PARD3B: variants seen among roughly 807,000 people sequenced by gnomAD.
The protein encoded by PARD3B is par-3 family cell polarity regulator beta.
A neutral mutation model predicts 130.2 loss-of-function variants in PARD3B; 103 were observed. The ratio of observed to expected loss-of-function variants is 0.79; its 90% confidence interval spans 0.67 to 0.93. PARD3B has a LOEUF of 0.93. PARD3B is among the 40% of genes least tolerant of loss of function. PARD3B has a pLI of 0.00. For synonymous variants in PARD3B, 583 were observed against 553.2 expected (o/e 1.05, Z -0.76); for missense variants, 1,609 against 1,499.2 (o/e 1.07, Z -1.21).
At chr2:205,249,291 T>G (rs964509539) in intron 16 of PARD3B, among the ~76,000 whole-genome samples, 1 of 151,464 alleles carries the variant, frequency 6.6e-6, no homozygotes, top group African/African-American at 2.4e-5. Flanking sequence ...GTTAAACAAA[T>G]TAAATTGTAT....
chr2:205,483,504 T>A (rs2049320950), intron 20 of PARD3B, among the ~76,000 whole-genome samples: 1 of 152,222 alleles, frequency 6.6e-6, no homozygotes, highest in Non-Finnish European at 1.5e-5. Flanking sequence ...TGAATTAATG[T>A]TATTCCTGTA....
chr2:205,065,966 C>T (rs1700346167), intron 4 of PARD3B, among the ~76,000 whole-genome samples: 1 of 152,110 alleles, frequency 6.6e-6, no homozygotes, highest in Non-Finnish European at 1.5e-5. Context: ...TTATCAGCCT[C>T]ATTGAACAGG....
At position 205,568,551 on chromosome 2, in the gene PARD3B, G is replaced by A. The variant is rs1171352143; in HGVS notation, c.3260+15148G>A. Among the ~76,000 whole-genome samples the A allele has an allele frequency of 6.6e-6, 1 of 152,150 alleles. No individual in the cohort carries two copies. Among genetic ancestry groups the A allele is most frequent in the Admixed American group, 6.5e-5 (1 of 15,276 alleles). ...AAAGCCTCTGGAAAAATTAAACTTGGTACTGAGTTGCCTGACTCAAAAATG... is the reference window on the plus strand; with the variant it reads ...AAAGCCTCTGGAAAAATTAAACTTGATACTGAGTTGCCTGACTCAAAAATG... On this transcript the variant is annotated intron_variant, in intron 22 of 22. Transcript: ENST00000406610. This position sits in a 1 kb window ranked among gnomAD's most constrained non-coding sequence, Gnocchi z 5.3.
At chr2:205,398,334 G>A (rs1251426254) in intron 18 of PARD3B, among the ~76,000 whole-genome samples, 1 of 152,008 alleles carries the variant, frequency 6.6e-6, no homozygotes, top group Admixed American at 6.6e-5. Context: ...TTATATTTTT[G>A]TCTGTATTTT....
intron 1 of PARD3B, among the ~76,000 whole-genome samples, chr2:204,632,671 T>C (rs538776297): frequency 1.3e-5 from 2 of 152,272 alleles, no homozygotes; most frequent in South Asian, 4.1e-4. Context: ...CGAGACGATC[T>C]CCTGTTCCTA....
intron 2 of PARD3B, among the ~76,000 whole-genome samples, chr2:204,854,347 C>T (rs2044832581): frequency 6.6e-6 from 1 of 152,010 alleles, no homozygotes; most frequent in Non-Finnish European, 1.5e-5. Flanking sequence ...GTGATGAGGG[C>T]ATTCCATGCT....
chr2:205,252,948 G>A (rs1476107754), intron 16 of PARD3B, among the ~76,000 whole-genome samples: 1 of 147,954 alleles, frequency 6.8e-6, no homozygotes, highest in East Asian at 2.1e-4. Flanking sequence ...GGAAAGAAAA[G>A]TAAGAAATAT....
At chr2:204,920,823 C>G (rs1360401493) in intron 2 of PARD3B, among the ~76,000 whole-genome samples, 1 of 152,144 alleles carries the variant, frequency 6.6e-6, no homozygotes, top group Admixed American at 6.5e-5. Flanking sequence ...CTTTTGCCTT[C>G]TAAACATTGG....
intron 15 of PARD3B, among the ~76,000 whole-genome samples, chr2:205,237,996 T>G (rs1011205100): frequency 4.6e-5 from 7 of 152,198 alleles, no homozygotes; most frequent in Admixed American, 2.6e-4. Flanking sequence ...ACCATTCCTA[T>G]AATTATATAT....
intron 2 of PARD3B, among the ~76,000 whole-genome samples, chr2:204,762,031 A>C (rs2125409272): frequency 6.6e-6 from 1 of 151,586 alleles, no homozygotes; most frequent in South Asian, 2.1e-4. Context: ...CTTGCCATTG[A>C]GCCCACAATT....
chr2:205,346,164 T>C (rs1466061290), intron 18 of PARD3B, among the ~76,000 whole-genome samples: 1 of 124,006 alleles, frequency 8.1e-6, no homozygotes, highest in Non-Finnish European at 1.8e-5. Context: ...ACAGTGAGAC[T>C]CCGTCTCAAA....
chr2:204,681,622 G>A (rs1486268735), intron 1 of PARD3B, among the ~76,000 whole-genome samples: 1 of 152,090 alleles, frequency 6.6e-6, no homozygotes, highest in South Asian at 2.1e-4. Context: ...GTGCTGCTCT[G>A]CTAGGCTTTG....
intron 1 of PARD3B, among the ~76,000 whole-genome samples, chr2:204,607,063 G>A (rs1239484553): frequency 6.6e-6 from 1 of 152,104 alleles, no homozygotes; most frequent in Non-Finnish European, 1.5e-5. Flanking sequence ...ACCACTGAGG[G>A]ACTGCAAAAT....
At chr2:205,302,542 G>T (rs1172454222) in intron 18 of PARD3B, among the ~76,000 whole-genome samples, 3 of 152,202 alleles carry the variant, frequency 2.0e-5, no homozygotes. Context: ...GCAGTCCTTT[G>T]TACCAAAGTG....
rs529777365 is a variant in PARD3B, at chr2:205,534,207, TAG to T, written c.3181-19114_3181-19113del. Among the ~76,000 whole-genome samples, 8 of 152,298 alleles carry T rather than the reference TAG, an allele frequency of 5.3e-5. No individual in the cohort carries two copies. In the East Asian group the frequency reaches 1.5e-3, roughly 29 times the overall value. ...AAAGAAAACAAAGTCCCTGTTCTCA[TAG>T]AGTTTATGTTTGTGAAAAGAGATAG... On this transcript the variant is annotated intron_variant, in intron 21 of 22. Coordinates refer to ENST00000406610, the MANE Select transcript of PARD3B (RefSeq NM_001302769.2).
At chr2:205,612,869 C>T (rs970271866) in intron 22 of PARD3B, among the ~76,000 whole-genome samples, 2 of 152,202 alleles carry the variant, frequency 1.3e-5, no homozygotes, top group Non-Finnish European at 2.9e-5. Flanking sequence ...AAGCCTCCCC[C>T]TCACTGTGAG....
At chr2:205,163,275 T>C (rs977315248) in intron 11 of PARD3B, among the ~76,000 whole-genome samples, 4 of 152,180 alleles carry the variant, frequency 2.6e-5, no homozygotes, top group African/African-American at 9.7e-5. Flanking sequence ...GTAGATTGTT[T>C]AGGGGCTGCT....
At position 205,532,240 on chromosome 2, in the gene PARD3B, T is replaced by C. The variant is rs185876794; in HGVS notation, c.3181-21084T>C. Among the ~76,000 whole-genome samples, 822 of 152,336 alleles carry C rather than the reference T, an allele frequency of 5.4e-3. 8 individuals are homozygous for C. Among genetic ancestry groups the C allele is most frequent in the Non-Finnish European group, 4.9e-3 (330 of 68,016 alleles). Reference sequence around the variant, plus strand: ...AACGAAGAGAAATTGTTTCTGGTCATGATGAGTCATATTTTAGAGGCTTTA... The same window carrying C: ...AACGAAGAGAAATTGTTTCTGGTCACGATGAGTCATATTTTAGAGGCTTTA... On this transcript the variant is annotated intron_variant, in intron 21 of 22. Transcript: ENST00000406610.
intron 2 of PARD3B, among the ~76,000 whole-genome samples, chr2:204,729,594 T>C (rs1247322096): frequency 6.6e-6 from 1 of 152,230 alleles, no homozygotes; most frequent in African/African-American, 2.4e-5. Flanking sequence ...ATTACAACTT[T>C]GTTTCTTAAA....
Sources: gnomAD v4.1 joint callset for allele counts (sites outside exome capture counted in the v4.1 genomes callset) on GRCh38, gnomAD v4.1.1 for gene constraint, Gnocchi (gnomAD v3.1) non-coding constraint, MANE v1.5 for transcripts, NCBI Gene and HGNC (gene_info 2026-07-23, HGNC 2026-07-21) for gene names.